ITPR2: variants seen among roughly 807,000 people sequenced by gnomAD.
ITPR2 encodes the protein inositol 1,4,5-trisphosphate-gated calcium channel ITPR2.
In ITPR2, 207 loss-of-function variants were observed where a neutral mutation model predicts 317.1. The observed-to-expected ratio is 0.65, with a 90% CI of 0.58 to 0.73. The LOEUF is 0.73. Ranked by LOEUF, ITPR2 falls within the 30% of genes least tolerant of loss-of-function variation. ITPR2 has a pLI of 0.00. For missense variants in ITPR2, 2,613 were observed against 3,284.0 expected (o/e 0.80, Z 4.99); for synonymous variants, 1,156 against 1,149.1 (o/e 1.01, Z -0.12).
Position 26,411,411 on chromosome 12 carries a change from G to C in ITPR2, c.7308C>G (p.Gly2436=), listed in dbSNP as rs1364806483. 6.2e-7 allele frequency: 1 copy of C among 1,603,866 alleles called. No homozygotes were observed. Among genetic ancestry groups the C allele is most frequent in the Non-Finnish European group, 8.5e-7 (1 of 1,171,102 alleles). ...DRLKNRTPVT[G]SHQVPTMTLT... is the part of the protein sequence containing the mutation. ...AAGTCATAGTAGGCACTTGATGACT[G>C]CCTAAGAAAATACAAAGTAGTATAT... The change falls in exon 52 of 57, where the codon GGC becomes GGG. Residue 2436 remains glycine, a splice_region_variant and synonymous_variant. Coordinates refer to ENST00000381340, the MANE Select transcript of ITPR2 (RefSeq NM_002223.4).
chr12:26,796,518 T>C (rs1219285339), intron 1 of ITPR2, among the ~76,000 whole-genome samples: 2 of 152,188 alleles, frequency 1.3e-5, no homozygotes, highest in African/African-American at 4.8e-5. Flanking sequence ...GAGTAGAAAT[T>C]AGAACAAGCA....
At chr12:26,708,954 A>G (rs1172642705) in intron 9 of ITPR2, among the ~76,000 whole-genome samples, 2 of 152,204 alleles carry the variant, frequency 1.3e-5, no homozygotes, top group Non-Finnish European at 2.9e-5. Flanking sequence ...TTAGAAAGCA[A>G]AATGATAAAC....
chr12:26,657,864 T>A lies in ITPR2; in HGVS notation c.2035A>T (p.Met679Leu). 6.2e-7 allele frequency: 1 copy of A among 1,614,098 alleles called. No individual in the cohort carries two copies. Residue 679 changes from methionine to leucine, a missense_variant, in exon 18 of 57, where the codon ATG becomes TTG. Met to Leu is a conservative substitution (Grantham distance 15, BLOSUM62 2). This residue lies in a region of ITPR2 where 817 missense variants were observed against 897.6 expected (regional missense o/e 0.91). Transcript: ENST00000381340. ...KVVSMQADNPMESSILSDDID... is the reference protein window; with the variant it reads ...KVVSMQADNPLESSILSDDID... ...TCATCTGAAAGGATGGAGCTCTCCA[T>A]GGGGTTGTCTGCTTGCATTGAGACC...
intron 9 of ITPR2, among the ~76,000 whole-genome samples, chr12:26,698,750 T>C (rs1392867410): frequency 6.6e-6 from 1 of 152,174 alleles, no homozygotes; most frequent in Non-Finnish European, 1.5e-5. Context: ...TTAAGTTCCC[T>C]TGAATTATGA....
At chr12:26,556,532 T>C (rs1944664359) in intron 35 of ITPR2, among the ~76,000 whole-genome samples, 157 bp from the exon 36 acceptor site, 1 of 149,024 alleles carries the variant, frequency 6.7e-6, no homozygotes, top group South Asian at 2.1e-4. Flanking sequence ...TCTGGTTTTA[T>C]GTAAGAATAT....
intron 43 of ITPR2, among the ~76,000 whole-genome samples, chr12:26,477,550 C>A (rs189795050): frequency 6.6e-6 from 1 of 152,028 alleles, no homozygotes; most frequent in Non-Finnish European, 1.5e-5. Flanking sequence ...TTATTGATAA[C>A]GGCTTCCTAG....
At chr12:26,649,472 A>G (rs1347346988) in intron 21 of ITPR2, 2 of 152,226 alleles carry the variant, frequency 1.3e-5, no homozygotes, top group African/African-American at 4.8e-5. Flanking sequence ...TATAGATAAT[A>G]TTTCTCCTAA....
At chr12:26,392,874 C>A (rs373837324) in intron 54 of ITPR2, among the ~76,000 whole-genome samples, 1 of 152,184 alleles carries the variant, frequency 6.6e-6, no homozygotes, top group Non-Finnish European at 1.5e-5. Context: ...TTTTGTCACA[C>A]CTGGTCTTTC....
At chr12:26,490,605 G>C (rs1319462391) in intron 39 of ITPR2, among the ~76,000 whole-genome samples, 1 of 152,182 alleles carries the variant, frequency 6.6e-6, no homozygotes, top group Non-Finnish European at 1.5e-5. Flanking sequence ...CTGAGGTCAG[G>C]AGTTGGAGAC....
At chr12:26,761,471 T>C (rs2137125653) in intron 2 of ITPR2, among the ~76,000 whole-genome samples, 1 of 152,326 alleles carries the variant, frequency 6.6e-6, no homozygotes, top group Non-Finnish European at 1.5e-5. Flanking sequence ...ATACATTTTC[T>C]GATAAAGAGG....
intron 34 of ITPR2, among the ~76,000 whole-genome samples, chr12:26,570,916 C>T (rs963595079): frequency 6.6e-6 from 1 of 152,176 alleles, no homozygotes; most frequent in African/African-American, 2.4e-5. Flanking sequence ...TACTGCAGAG[C>T]TCTCCATCCT....
At chr12:26,464,582 TGACTATC>T (rs1169451654) in intron 45 of ITPR2, among the ~76,000 whole-genome samples, 5 of 152,186 alleles carry the variant, frequency 3.3e-5, no homozygotes, top group Non-Finnish European at 7.4e-5. Context: ...CAGCACTTGT[TGACTATC>T]ACAGCCACTC....
intron 2 of ITPR2, among the ~76,000 whole-genome samples, chr12:26,765,984 C>A (rs1185780945): frequency 6.6e-6 from 1 of 152,168 alleles, no homozygotes; most frequent in Non-Finnish European, 1.5e-5. Flanking sequence ...TTCATTACAT[C>A]TTATGGCTAA....
chr12:26,732,322 A>G (rs957408049), intron 2 of ITPR2, among the ~76,000 whole-genome samples: 1 of 152,238 alleles, frequency 6.6e-6, no homozygotes, highest in African/African-American at 2.4e-5. Flanking sequence ...TCCTTGAAGC[A>G]AAGAAGCAAA....
chr12:26,553,031 G>A lies in ITPR2; in HGVS notation c.4965-2676C>T, dbSNP rs118055884. On this transcript the variant is annotated intron_variant, in intron 36 of 56. Transcript: ENST00000381340. ...GAAATATATTTCACAAAACAACCCA[G>A]TAAAGAAGTACCTGTGTGGGAGTGT... Among the ~76,000 whole-genome samples, 124 of 152,316 alleles carry A rather than the reference G, an allele frequency of 8.1e-4. No individual in the cohort carries two copies. The East Asian group carries it at 0.023, about 29-fold the overall frequency.
At chr12:26,690,705 C>T (rs1056503940) in intron 10 of ITPR2, among the ~76,000 whole-genome samples, 12 of 152,166 alleles carry the variant, frequency 7.9e-5, no homozygotes, top group African/African-American at 2.9e-4. Context: ...GTAATGTCTC[C>T]CTGTAAAGGC....
At chr12:26,518,490 C>G (rs1428353222) in intron 37 of ITPR2, among the ~76,000 whole-genome samples, 2 of 151,262 alleles carry the variant, frequency 1.3e-5, no homozygotes. Flanking sequence ...ACCTATATAA[C>G]AAACACATGT....
chr12:26,413,354 CT>C (rs1173361587), intron 51 of ITPR2, among the ~76,000 whole-genome samples: 1 of 152,192 alleles, frequency 6.6e-6, no homozygotes, highest in Non-Finnish European at 1.5e-5. Flanking sequence ...ATTTTCTGAT[CT>C]TTTCTTCTCA....
intron 2 of ITPR2, among the ~76,000 whole-genome samples, chr12:26,772,535 CATGT>C (rs1949885500): frequency 1.5e-5 from 2 of 130,580 alleles, no homozygotes; most frequent in East Asian, 2.1e-4. Context: ...ATATATAATA[CATGT>C]ATTATATATA....
Sources: gnomAD v4.1 joint callset for allele counts (sites outside exome capture counted in the v4.1 genomes callset) on GRCh38, gnomAD v4.1.1 for gene constraint, gnomAD v4.1.1 regional missense constraint, MANE v1.5 for transcripts, NCBI Gene and HGNC (gene_info 2026-07-23, HGNC 2026-07-21) for gene names.